Variants in ATF6 observed in about 807,000 individuals in gnomAD.
ATF6 encodes activating transcription factor 6, also known as cyclic AMP-dependent transcription factor ATF-6 alpha.
In ATF6, 53 loss-of-function variants were observed where a neutral mutation model predicts 83.6. The ratio of observed to expected loss-of-function variants is 0.63; its 90% CI spans 0.51 to 0.80. The LOEUF (loss-of-function observed/expected upper bound fraction) is 0.80, where lower values mean the gene tolerates loss of function less well. ATF6 is among the 30% of genes least tolerant of loss of function. The pLI, the probability that ATF6 is intolerant of heterozygous loss-of-function variation, is 0.00. For synonymous variants in ATF6, 288 were observed against 285.8 expected, an observed-to-expected ratio of 1.01 and a Z score of -0.08; for missense variants, 744 against 797.9, an observed-to-expected ratio of 0.93 and a Z score of 0.81.
In ATF6 at chr1:161,962,109, C is replaced by T. The variant is rs1239517987; in HGVS notation, c.*3455C>T. 1 of 140,006 alleles carries T rather than the reference C, an allele frequency of 7.1e-6. No homozygotes were observed. The highest frequency in any genetic ancestry group is 1.6e-5 in the Non-Finnish European group (1 of 63,276). 8.7% of individuals were successfully genotyped at this position (140,006 alleles called of 1,614,324 possible). On this transcript the variant is annotated 3_prime_UTR_variant, in exon 16 of 16. Transcript: ENST00000367942. ...TAAAAAATCCCTCACGATTATAAAA[C>T]TCAGAGCATCATCTAATTTTTTTTT... is the stretch of plus-strand genomic sequence containing the variant.
chr1:161,908,407 C>T (rs921718762), intron 14 of ATF6, among the ~76,000 whole-genome samples: 1 of 152,144 alleles, frequency 6.6e-6, no homozygotes, highest in Non-Finnish European at 1.5e-5. Flanking sequence ...TAACAAATTG[C>T]TTGGAAGAGG....
At chr1:161,856,334 A>G (rs1686759563) in intron 12 of ATF6, among the ~76,000 whole-genome samples, 1 of 152,230 alleles carries the variant, frequency 6.6e-6, no homozygotes, top group Non-Finnish European at 1.5e-5. Context: ...TAATACTAAT[A>G]GAGGCTGCAG....
Position 161,880,774 on chromosome 1 carries a change from G to A in ATF6, c.1719+17462G>A, listed in dbSNP as rs112738469. On this transcript the variant is annotated intron_variant, in intron 14 of 15. Coordinates refer to ENST00000367942, the MANE Select transcript of ATF6 (RefSeq NM_007348.4). ...TGTGTAAATACCTAGGAGTGGGATG[G>A]CTGGGTTATATAGTAGGCATATGTT... Among the ~76,000 whole-genome samples, 437 of 152,218 alleles carry A rather than the reference G, an allele frequency of 2.9e-3. 3 individuals are homozygous for A. Among genetic ancestry groups the A allele is most frequent in the African/African-American group, 9.8e-3 (408 of 41,538 alleles).
chr1:161,960,581 C>T lies in ATF6; in HGVS notation c.*1927C>T, dbSNP rs947970998. The stretch of plus-strand genomic sequence containing the variant: ...TTCAACTTTTGTGAGCGGGGAAAAG[C>T]AGGGCTTTATTGTTGTGTTACCTGG... On this transcript the variant is annotated 3_prime_UTR_variant, in exon 16 of 16. Transcript: ENST00000367942. 2.6e-5 allele frequency: 4 copies of T among 152,208 alleles called. No homozygotes were observed. Among genetic ancestry groups the T allele is most frequent in the South Asian group, 2.1e-4 (1 of 4,828 alleles). 9.4% of individuals were successfully genotyped at this position (152,208 alleles called of 1,614,324 possible).
intron 14 of ATF6, among the ~76,000 whole-genome samples, chr1:161,900,755 G>A (rs1687769222): frequency 6.6e-6 from 1 of 152,054 alleles, no homozygotes; most frequent in Non-Finnish European, 1.5e-5. Context: ...CATTAGCTGA[G>A]ACATGTTCAT....
At chr1:161,927,777 A>G (rs1432711917) in intron 15 of ATF6, among the ~76,000 whole-genome samples, 2 of 152,190 alleles carry the variant, frequency 1.3e-5, no homozygotes, top group Admixed American at 1.3e-4. Flanking sequence ...TGTTCGATGA[A>G]GAAAGAATTA....
intron 14 of ATF6, among the ~76,000 whole-genome samples, chr1:161,903,007 C>A (rs1200963013): frequency 1.3e-5 from 2 of 152,172 alleles, no homozygotes; most frequent in Non-Finnish European, 2.9e-5. Flanking sequence ...CTCTTTTCAT[C>A]TTTCCAACTT....
chr1:161,767,298 C>T (rs1684287192), intron 1 of ATF6, among the ~76,000 whole-genome samples: 1 of 152,200 alleles, frequency 6.6e-6, no homozygotes, highest in Non-Finnish European at 1.5e-5. Context: ...CTTGGATCAG[C>T]ATTCTCAATA....
chr1:161,790,808 C>CACA (rs1224571881), intron 4 of ATF6, among the ~76,000 whole-genome samples: 2 of 87,122 alleles, frequency 2.3e-5, no homozygotes. Flanking sequence ...GAGACTCTGT[C>CACA]TCAACAACAA....
At chr1:161,945,519 G>A (rs1292342662) in intron 15 of ATF6, among the ~76,000 whole-genome samples, 1 of 152,200 alleles carries the variant, frequency 6.6e-6, no homozygotes, top group African/African-American at 2.4e-5. Flanking sequence ...AAGTCTTGCA[G>A]TTTCCAAAAC....
At chr1:161,798,230 T>G (rs1571140336) in intron 6 of ATF6, among the ~76,000 whole-genome samples, 2 of 152,144 alleles carry the variant, frequency 1.3e-5, no homozygotes, top group African/African-American at 4.8e-5. Context: ...CTAGGAAATA[T>G]GGTTCTGGAC....
chr1:161,942,853 G>T (rs1276361294), intron 15 of ATF6, among the ~76,000 whole-genome samples: 16 of 87,612 alleles, frequency 1.8e-4, no homozygotes, highest in African/African-American at 4.7e-4. Flanking sequence ...ATCTTTTTTT[G>T]TTTGTTTGTT....
intron 10 of ATF6, among the ~76,000 whole-genome samples, chr1:161,847,675 T>A (rs1313825181): frequency 6.6e-6 from 1 of 152,118 alleles, no homozygotes; most frequent in African/African-American, 2.4e-5. Context: ...ATATTTAATT[T>A]TCATAAGTAA....
chr1:161,921,908 A>G (rs1013389500), intron 15 of ATF6, among the ~76,000 whole-genome samples: 6 of 152,204 alleles, frequency 3.9e-5, no homozygotes, highest in Non-Finnish European at 5.9e-5. Context: ...AACAAAGCTT[A>G]TGGAGATAGG....
intron 15 of ATF6, among the ~76,000 whole-genome samples, chr1:161,939,628 T>C (rs1688605601): frequency 6.6e-6 from 1 of 152,228 alleles, no homozygotes; most frequent in African/African-American, 2.4e-5. Context: ...CACTCTGCTG[T>C]TCTCAACATG....
intron 13 of ATF6, among the ~76,000 whole-genome samples, chr1:161,860,498 T>G (rs998236161): frequency 2.0e-5 from 3 of 151,582 alleles, no homozygotes; most frequent in Non-Finnish European, 4.4e-5. Context: ...CTCTCCCAAA[T>G]CCCTTAAATA....
Position 161,819,751 on chromosome 1 carries a change from C to T in ATF6, c.1028C>T (p.Ser343Leu). The change falls in exon 8 of 16, where the codon TCA becomes TTA. Residue 343 changes from serine (S) to leucine (L), a missense_variant. Transcript: ENST00000367942. Reference sequence around the variant, plus strand: ...GAGGCGAGATTAAAGGCTGCCCTCTCAGAAAACGAGCAACTGAAGAAAGAA... The same window carrying T: ...GAGGCGAGATTAAAGGCTGCCCTCTTAGAAAACGAGCAACTGAAGAAAGAA... Reference protein sequence around the residue: ...GLEARLKAALSENEQLKKENG... With the variant: ...GLEARLKAALLENEQLKKENG... 1 of 1,612,746 alleles carries T rather than the reference C, an allele frequency of 6.2e-7. No individual in the cohort carries two copies. Among genetic ancestry groups the T allele is most frequent in the Non-Finnish European group, 8.5e-7 (1 of 1,179,476 alleles).
intron 15 of ATF6, among the ~76,000 whole-genome samples, chr1:161,953,899 T>C (rs1688919247): frequency 6.6e-6 from 1 of 152,206 alleles, no homozygotes; most frequent in Non-Finnish European, 1.5e-5. Flanking sequence ...ATTTTAACAT[T>C]ATTCAATTAA....
chr1:161,947,810 CTTTTTTTTTTT>C (rs10524670), intron 15 of ATF6, among the ~76,000 whole-genome samples: 13 of 57,582 alleles, frequency 2.3e-4, no homozygotes, highest in South Asian at 9.5e-4. Context: ...TAAGCCACGC[CTTTTTTTTTTT>C]TTTTTTTTTT....
Sources: gnomAD v4.1 joint callset for allele counts (sites outside exome capture counted in the v4.1 genomes callset) on GRCh38, gnomAD v4.1.1 for gene constraint, MANE v1.5 for transcripts, NCBI Gene and HGNC (gene_info 2026-07-23, HGNC 2026-07-21) for gene names.